Variants in HSPA4L observed in about 807,000 individuals in gnomAD.
HSPA4L encodes the protein heat shock 70 kDa protein 4L.
A neutral mutation model predicts 100.3 loss-of-function variants in HSPA4L; 48 were observed. That is an observed-to-expected ratio of 0.48 (90% CI 0.38 to 0.61). The LOEUF is 0.61. Ranked by LOEUF, HSPA4L falls within the 20% of genes least tolerant of loss-of-function variation. HSPA4L has a pLI of 0.00. For missense variants in HSPA4L, 886 were observed against 988.6 expected (o/e 0.90, Z 1.39); for synonymous variants, 319 against 328.2 (o/e 0.97, Z 0.30).
In HSPA4L at chr4:127,801,853, T is replaced by G. The variant is rs1307344785; in HGVS notation, c.598T>G (p.Phe200Val). ...PLDEKPRNVV[F>V]IDMGHSAYQV... ...AGATGAGAAACCAAGAAATGTAGTATTTATTGATATGGGACATTCTGCCTA... is the reference window on the plus strand; with the variant it reads ...AGATGAGAAACCAAGAAATGTAGTAGTTATTGATATGGGACATTCTGCCTA... Residue 200 changes from phenylalanine (F) to valine (V), a missense_variant, in exon 6 of 19, where the codon TTT becomes GTT. Phe to Val is a conservative substitution (Grantham distance 50, BLOSUM62 -1). Transcript: ENST00000296464. The G allele has an allele frequency of 1.9e-6, 3 of 1,610,992 alleles. No individual in the cohort carries two copies. The African/African-American group carries it at 4.0e-5, about 22-fold the overall frequency.
chr4:127,801,532 T>C (rs1264301033), intron 5 of HSPA4L, among the ~76,000 whole-genome samples: 2 of 151,764 alleles, frequency 1.3e-5, no homozygotes, highest in Non-Finnish European at 2.9e-5. Context: ...CTTGTTACTT[T>C]GTAGTACAAC....
intron 3 of HSPA4L, among the ~76,000 whole-genome samples, chr4:127,796,224 AC>A (rs1230876411): frequency 6.6e-6 from 1 of 152,138 alleles, no homozygotes; most frequent in African/African-American, 2.4e-5. Flanking sequence ...AGAAGAATGG[AC>A]CCAAAAAGTA....
chr4:127,819,773 A>G (rs1733760835), intron 13 of HSPA4L, among the ~76,000 whole-genome samples: 2 of 152,306 alleles, frequency 1.3e-5, no homozygotes, highest in Middle Eastern at 3.4e-3. Context: ...AATGTTTTCA[A>G]GGTTCATCCA....
In HSPA4L at chr4:127,822,872, A is replaced by G. The variant is rs1578719583; in HGVS notation, c.1916A>G (p.Tyr639Cys). 10 of 1,613,356 alleles carry G rather than the reference A, an allele frequency of 6.2e-6. No homozygotes were observed. The highest frequency in any genetic ancestry group is 8.5e-6 in the Non-Finnish European group (10 of 1,179,536). Residue 639 changes from tyrosine (Y) to cysteine (C), a missense_variant, in exon 15 of 19, where the codon TAT becomes TGT. By Grantham distance (194) the Tyr-to-Cys change is radical. Coordinates refer to ENST00000296464, the MANE Select transcript of HSPA4L (RefSeq NM_014278.4). ...YDFRDRLGTV[Y>C]EKFITPEDLS... The stretch of plus-strand genomic sequence containing the variant: ...TTTAGAGACAGGCTGGGCACTGTCT[A>G]TGAAAAATTCATCACTCCAGAAGTA...
At position 127,835,382 on chromosome 4, in the gene HSPA4L, G is replaced by GATA. The variant is rs920663256; in HGVS notation, c.*2511_*2513dup. 6.6e-6 allele frequency: 1 copy of GATA among 152,146 alleles called. No individual in the cohort carries two copies. The highest frequency in any genetic ancestry group is 1.5e-5 in the Non-Finnish European group (1 of 68,018). The allele number at this position is 152,146 out of a possible 1,614,324, so 9.4% of individuals were successfully genotyped here. ...GTTAAATAATATAATGGAAGTTTGT[G>GATA]ATAATTCCTTAGCAGTAATGTAAAA... On this transcript the variant is annotated 3_prime_UTR_variant, in exon 19 of 19. Coordinates refer to ENST00000296464, the MANE Select transcript of HSPA4L (RefSeq NM_014278.4).
rs1201872056 is a variant in HSPA4L at position 127,838,532 on chromosome 4, G to C, written c.*5658G>C. On this transcript the variant is annotated 3_prime_UTR_variant, in exon 19 of 19. Transcript: ENST00000296464. ...AATTAATAGTATGCTCTTTGCTTTGGAATCTCTAATTTACGGTCATGCCCT... is the reference window on the plus strand; with the variant it reads ...AATTAATAGTATGCTCTTTGCTTTGCAATCTCTAATTTACGGTCATGCCCT... 1 of 152,148 alleles carries C rather than the reference G, an allele frequency of 6.6e-6. No homozygotes were observed. The highest frequency in any genetic ancestry group is 1.5e-5 in the Non-Finnish European group (1 of 68,038). The allele number at this position is 152,148 out of a possible 1,614,324, so 9.4% of individuals were successfully genotyped here. A position where few individuals can be genotyped will look rare whatever the true frequency, so the allele number is the denominator to read the frequency against.
chr4:127,803,217 A>G (rs544211178), intron 6 of HSPA4L, among the ~76,000 whole-genome samples: 1 of 152,172 alleles, frequency 6.6e-6, no homozygotes, highest in South Asian at 2.1e-4. Context: ...ATGGTATTTT[A>G]TATTTAATCT....
In HSPA4L at chr4:127,832,827, G is replaced by T; in HGVS notation, c.2473G>T (p.Asp825Tyr). ...GTETKSDSTK[D>Y]SSQHTKSSGE... ...TGAAACTAAATCAGATTCAACAAAA[G>T]ACAGCTCACAGCATACTAAATCCTC... Residue 825 changes from aspartate (D) to tyrosine (Y), a missense_variant, in exon 19 of 19, where the codon GAC becomes TAC. Transcript: ENST00000296464. The T allele has an allele frequency of 1.2e-6, 2 of 1,613,224 alleles. No homozygotes were observed. Among genetic ancestry groups the T allele is most frequent in the Non-Finnish European group, 1.7e-6 (2 of 1,179,552 alleles).
At chr4:127,807,723 C>T (rs1733402141) in intron 10 of HSPA4L, among the ~76,000 whole-genome samples, 1 of 152,034 alleles carries the variant, frequency 6.6e-6, no homozygotes, top group Non-Finnish European at 1.5e-5. Context: ...AAAAACCATA[C>T]ACATTGGCCT....
At chr4:127,800,719 C>T (rs1733151998) in intron 4 of HSPA4L, among the ~76,000 whole-genome samples, 1 of 151,964 alleles carries the variant, frequency 6.6e-6, no homozygotes, top group Non-Finnish European at 1.5e-5. Context: ...GATAGAATTC[C>T]ATAACAATTC....
At position 127,832,959 on chromosome 4, in the gene HSPA4L, T is replaced by C; in HGVS notation, c.*85T>C. The C allele has an allele frequency of 1.0e-6, 1 of 966,242 alleles. No homozygotes were observed. Among genetic ancestry groups the C allele is most frequent in the East Asian group, 2.7e-5 (1 of 37,170 alleles). The allele number at this position is 966,242 out of a possible 1,614,324, so 59.9% of individuals were successfully genotyped here. A position where few individuals can be genotyped will look rare whatever the true frequency, so the allele number is the denominator to read the frequency against. ...TACATCTGGTACACACAACAGACGCTCAGTTGTTCTTAACCACTTTTGTCA... is the reference window on the plus strand; with the variant it reads ...TACATCTGGTACACACAACAGACGCCCAGTTGTTCTTAACCACTTTTGTCA... On this transcript the variant is annotated 3_prime_UTR_variant, in exon 19 of 19. Coordinates refer to ENST00000296464, the MANE Select transcript of HSPA4L (RefSeq NM_014278.4).
At chr4:127,809,316 A>C in intron 11 of HSPA4L, 2 of 1,185,390 alleles carry the variant, frequency 1.7e-6, no homozygotes, top group Non-Finnish European at 2.5e-6. Flanking sequence ...ACCCTGTCTT[A>C]ATAAGGACTT....
intron 1 of HSPA4L, among the ~76,000 whole-genome samples, chr4:127,786,898 A>G (rs1034194895): frequency 9.2e-5 from 14 of 152,222 alleles, no homozygotes; most frequent in Admixed American, 6.5e-5. Flanking sequence ...ATAAACTACT[A>G]TTAATAATGG....
chr4:127,812,270 G>C (rs1031676236), intron 12 of HSPA4L, among the ~76,000 whole-genome samples: 1 of 151,852 alleles, frequency 6.6e-6, no homozygotes, highest in Non-Finnish European at 1.5e-5. Flanking sequence ...TTAGCCGGGC[G>C]TGGTGGCAGG....
chr4:127,825,238 T>A (rs2148798631), intron 16 of HSPA4L, among the ~76,000 whole-genome samples: 1 of 152,296 alleles, frequency 6.6e-6, no homozygotes, highest in East Asian at 1.9e-4. Context: ...GCATATGAAT[T>A]ACCTGGGTGC....
chr4:127,781,810 C>G (rs940274900), upstream of HSPA4L: 1 of 238,298 alleles, frequency 4.2e-6, no homozygotes, highest in Non-Finnish European at 8.6e-6. Context: ...GGGGAGGGCG[C>G]CGGGCTGCAC....
intron 1 of HSPA4L, 120 bp downstream of exon 1, chr4:127,782,777 A>G (rs1732600605): frequency 2.8e-5 from 20 of 720,884 alleles, no homozygotes; most frequent in Non-Finnish European, 4.0e-5. Flanking sequence ...GAACCCCGAG[A>G]TGACAGGTGC....
At chr4:127,809,911 T>G (rs919275827) in intron 11 of HSPA4L, among the ~76,000 whole-genome samples, 1 of 152,228 alleles carries the variant, frequency 6.6e-6, no homozygotes, top group African/African-American at 2.4e-5. Context: ...GTTTATAGGA[T>G]TGGTGTCAGT....
intron 6 of HSPA4L, 61 bp from the exon 7 acceptor site, chr4:127,803,568 C>A: frequency 8.1e-7 from 1 of 1,231,886 alleles, no homozygotes; most frequent in Non-Finnish European, 1.1e-6. Flanking sequence ...AGAGGTTTTT[C>A]TTTTTTTTTT....
Sources: gnomAD v4.1 joint callset for allele counts (sites outside exome capture counted in the v4.1 genomes callset) on GRCh38, gnomAD v4.1.1 for gene constraint, MANE v1.5 for transcripts, NCBI Gene and HGNC (gene_info 2026-07-23, HGNC 2026-07-21) for gene names.